Variants in CDH4 observed in about 807,000 individuals in gnomAD.
CDH4 encodes cadherin 4, also known as cadherin-4.
A neutral mutation model predicts 86.0 loss-of-function variants in CDH4; 33 were observed. The ratio of observed to expected loss-of-function variants is 0.38; its 90% CI spans 0.29 to 0.51. The LOEUF (loss-of-function observed/expected upper bound fraction) is 0.51, where lower values mean the gene tolerates loss of function less well. Among genes scored for constraint, CDH4 ranks in the 20% least tolerant of loss-of-function variants. CDH4 has a pLI of 0.86. For missense variants in CDH4, 1,114 were observed against 1,307.4 expected, an observed-to-expected ratio of 0.85 and a Z score of 2.28; for synonymous variants, 555 against 549.4, an observed-to-expected ratio of 1.01 and a Z score of -0.14.
chr20:61,645,001 A>G (rs1003804157), intron 2 of CDH4, among the ~76,000 whole-genome samples: 6 of 152,218 alleles, frequency 3.9e-5, no homozygotes, highest in African/African-American at 1.2e-4. Context: ...GTGTGCTCAC[A>G]TGGCGGGCGA....
intron 2 of CDH4, among the ~76,000 whole-genome samples, chr20:61,504,656 A>G (rs2085727789): frequency 6.6e-6 from 1 of 152,168 alleles, no homozygotes; most frequent in African/African-American, 2.4e-5. Flanking sequence ...CTCGTTAAAC[A>G]TCCAGCCCCA....
intron 2 of CDH4, among the ~76,000 whole-genome samples, chr20:61,381,003 G>T (rs141404155): frequency 6.6e-6 from 1 of 152,230 alleles, no homozygotes. Context: ...GCTACGCAGC[G>T]TGACATAGTC....
At chr20:61,394,421 G>C (rs1260401622) in intron 2 of CDH4, among the ~76,000 whole-genome samples, 3 of 152,190 alleles carry the variant, frequency 2.0e-5, no homozygotes, top group Non-Finnish European at 4.4e-5. Flanking sequence ...AAAGTCGGTT[G>C]TTCCCATCTT....
At chr20:61,546,085 CGT>C (rs1431879301) in intron 2 of CDH4, among the ~76,000 whole-genome samples, 2 of 644 alleles carry the variant, frequency 3.1e-3, no homozygotes, top group Non-Finnish European at 6.5e-3. Context: ...TTTGTTCACA[CGT>C]GTGTGTGTGG....
chr20:61,277,569 A>C (rs1365233850), intron 2 of CDH4, among the ~76,000 whole-genome samples: 1 of 152,222 alleles, frequency 6.6e-6, no homozygotes, highest in East Asian at 1.9e-4. Flanking sequence ...TGGAACTGAC[A>C]AGCAAGGAAA....
intron 4 of CDH4, among the ~76,000 whole-genome samples, chr20:61,843,456 CAAAAAAA>C (rs869283452): frequency 1.0e-4 from 6 of 58,842 alleles, no homozygotes; most frequent in African/African-American, 3.1e-4. Flanking sequence ...GACTCCGTCT[CAAAAAAA>C]AAAAAAAAAA....
chr20:61,840,794 G>A (rs1210215975), intron 4 of CDH4, among the ~76,000 whole-genome samples: 1 of 152,214 alleles, frequency 6.6e-6, no homozygotes, highest in Non-Finnish European at 1.5e-5. Flanking sequence ...GGTAAACTGT[G>A]GGAGAATTCA....
intron 2 of CDH4, among the ~76,000 whole-genome samples, chr20:61,645,845 C>T (rs897698505): frequency 6.6e-6 from 1 of 152,082 alleles, no homozygotes; most frequent in Non-Finnish European, 1.5e-5. Flanking sequence ...TGTGATGGAG[C>T]CATGACTCAA....
rs113077141 is a variant in CDH4, at chr20:61,469,380, A to AT, written c.169+214443_169+214444insT. On this transcript the variant is annotated intron_variant, in intron 2 of 15. Coordinates refer to ENST00000614565, the MANE Select transcript of CDH4 (RefSeq NM_001794.5). ...CATCTTTTGAGAAATGTCTATTCAG[A>AT]CCTTTGCCCATTTAAAAAACCAGAT... Among the ~76,000 whole-genome samples, 1,045 of 152,222 alleles carry AT rather than the reference A, an allele frequency of 6.9e-3. 10 individuals carry two copies. Among genetic ancestry groups the AT allele is most frequent in the African/African-American group, 0.024 (989 of 41,542 alleles).
intron 2 of CDH4, among the ~76,000 whole-genome samples, chr20:61,536,862 T>C (rs2086001165): frequency 6.6e-6 from 1 of 152,108 alleles, no homozygotes; most frequent in Non-Finnish European, 1.5e-5. Context: ...CCAGGCCCAG[T>C]GTGTTCAGCG....
Position 61,773,107 on chromosome 20 carries a change from C to T in CDH4, c.501C>T (p.Arg167=). The T allele has an allele frequency of 6.2e-7, 1 of 1,612,192 alleles. No homozygotes were observed. Among genetic ancestry groups the T allele is most frequent in the East Asian group, 2.2e-5 (1 of 44,834 alleles). ...QHQNANGLRR[R]KRDWVIPPIN... is the part of the protein sequence containing the mutation. ...AGAACGCCAACGGGCTGAGGCGGCG[C>T]AAACGGGACTGGGTCATCCCGCCCA... The change falls in exon 4 of 16, where the codon CGC becomes CGT. Residue 167 remains arginine, a synonymous_variant. Coordinates refer to ENST00000614565, the MANE Select transcript of CDH4 (RefSeq NM_001794.5).
intron 2 of CDH4, among the ~76,000 whole-genome samples, chr20:61,363,483 G>A (rs559315131): frequency 5.3e-4 from 80 of 150,538 alleles, no homozygotes; most frequent in African/African-American, 1.9e-3. Context: ...TTATAAAGAA[G>A]TCCTACACAC....
At chr20:61,704,488 C>T (rs1391220504) in intron 2 of CDH4, among the ~76,000 whole-genome samples, 2 of 152,142 alleles carry the variant, frequency 1.3e-5, no homozygotes, top group Non-Finnish European at 2.9e-5. Context: ...TGGCTGGCGC[C>T]GCCTTCTGAG....
chr20:61,815,703 C>T (rs546532505), intron 4 of CDH4, among the ~76,000 whole-genome samples: 19 of 152,322 alleles, frequency 1.2e-4, no homozygotes, highest in Admixed American at 7.2e-4. Context: ...CCCGGAGGCC[C>T]GGCTGAGGGA....
chr20:61,896,712 T>C (rs1195708403), intron 8 of CDH4, among the ~76,000 whole-genome samples: 1 of 152,206 alleles, frequency 6.6e-6, no homozygotes, highest in Admixed American at 6.5e-5. Flanking sequence ...TTTGCTCTCT[T>C]CCGGCCAGTG....
At chr20:61,645,503 A>T (rs557776896) in intron 2 of CDH4, among the ~76,000 whole-genome samples, 1 of 152,198 alleles carries the variant, frequency 6.6e-6, no homozygotes, top group South Asian at 2.1e-4. Context: ...TGGTGGCAAC[A>T]CACCTGTGGT....
In CDH4 at chr20:61,663,373, G is replaced by T. The variant is rs1170634227; in HGVS notation, c.170-80190G>T. On this transcript the variant is annotated intron_variant, in intron 2 of 15. Coordinates refer to ENST00000614565, the MANE Select transcript of CDH4 (RefSeq NM_001794.5). The surrounding 1 kb of genome is among the most constrained non-coding windows in gnomAD (Gnocchi z 5.0). ...GCAGGGGCTGCTGCGGACAAGCGTT[G>T]GGAGGCCTCTCTGAGGAGGCAGTGT... Among the ~76,000 whole-genome samples the T allele has an allele frequency of 6.6e-6, 1 of 152,186 alleles. No homozygotes were observed. The highest frequency in any genetic ancestry group is 1.9e-4 in the East Asian group (1 of 5,184).
At chr20:61,717,436 C>G (rs6061329) in intron 2 of CDH4, 39,982 of 145,370 alleles carry the variant, frequency 0.28, 5,876 homozygotes, top group East Asian at 0.41. Context: ...ACAGATATTT[C>G]GTGGGGTTTT....
chr20:61,472,170 A>G (rs561920231), intron 2 of CDH4, among the ~76,000 whole-genome samples: 1 of 152,282 alleles, frequency 6.6e-6, no homozygotes, highest in East Asian at 1.9e-4. Flanking sequence ...TTTGCTTTAG[A>G]TATCTGGGTG....
Sources: allele counts gnomAD v4.1 joint callset (sites outside exome capture counted in the v4.1 genomes callset), GRCh38; gene constraint gnomAD v4.1.1; non-coding constraint Gnocchi (gnomAD v3.1); transcripts MANE v1.5; gene names NCBI Gene and HGNC (gene_info 2026-07-23, HGNC 2026-07-21).